MSI2: variants seen among roughly 807,000 people sequenced by gnomAD.
MSI2 encodes musashi RNA binding protein 2.
MSI2 carries 17 observed loss-of-function variants against 45.6 expected under a neutral mutation model. The observed-to-expected ratio is 0.37, with a 90% CI of 0.26 to 0.56. The LOEUF (loss-of-function observed/expected upper bound fraction) is 0.56. MSI2 is among the 20% of genes least tolerant of loss of function. The probability of loss-of-function intolerance (pLI) is 0.77; values close to 1 mark genes in which losing one functional copy is unlikely to be tolerated. For synonymous variants in MSI2, 156 were observed against 158.2 expected (o/e 0.99, Z 0.11); for missense variants, 293 against 444.2 (o/e 0.66, Z 3.06).
At chr17:57,377,847 G>A (rs561077386) in intron 5 of MSI2, among the ~76,000 whole-genome samples, 7 of 152,088 alleles carry the variant, frequency 4.6e-5, no homozygotes, top group Admixed American at 2.0e-4. Context: ...AAGCCAAGGC[G>A]GGTGGATCAC....
intron 5 of MSI2, among the ~76,000 whole-genome samples, chr17:57,295,611 GTC>G (rs1910853088): frequency 6.6e-6 from 1 of 152,098 alleles, no homozygotes; most frequent in Admixed American, 6.6e-5. Flanking sequence ...TGTGCCCTGT[GTC>G]TCTCTTCTTT....
At chr17:57,301,795 C>T (rs1473189010) in intron 5 of MSI2, among the ~76,000 whole-genome samples, 8 of 151,146 alleles carry the variant, frequency 5.3e-5, no homozygotes, top group Non-Finnish European at 8.8e-5. Flanking sequence ...TTTTTTTCAC[C>T]GTGAATATTC....
At chr17:57,507,584 A>G (rs1567866096) in intron 6 of MSI2, among the ~76,000 whole-genome samples, 1 of 152,152 alleles carries the variant, frequency 6.6e-6, no homozygotes, top group Non-Finnish European at 1.5e-5. Context: ...CCAAAATGCA[A>G]TAGGACTATA....
At chr17:57,597,369 G>A (rs1024704022) in intron 8 of MSI2, among the ~76,000 whole-genome samples, 21 of 149,306 alleles carry the variant, frequency 1.4e-4, no homozygotes, top group South Asian at 6.3e-4. Flanking sequence ...GATGGCTCAC[G>A]CCTATAACCT....
chr17:57,409,790 T>C (rs4794730), intron 6 of MSI2, among the ~76,000 whole-genome samples: 65,089 of 151,758 alleles, frequency 0.43, 16,801 homozygotes, highest in East Asian at 0.6. Flanking sequence ...GGGCGAATCA[T>C]GAGGTCAGGA....
At chr17:57,362,896 C>T (rs114237906) in intron 5 of MSI2, among the ~76,000 whole-genome samples, 2,434 of 152,242 alleles carry the variant, frequency 0.016, 59 homozygotes, top group African/African-American at 0.055. Flanking sequence ...TGTTGGAACC[C>T]TTACGTGTTG....
chr17:57,561,389 C>T (rs761117549), intron 7 of MSI2, among the ~76,000 whole-genome samples: 1 of 152,172 alleles, frequency 6.6e-6, no homozygotes, highest in Non-Finnish European at 1.5e-5. Context: ...CAAAAATCCC[C>T]GCTCTTGCTC....
intron 5 of MSI2, among the ~76,000 whole-genome samples, chr17:57,293,024 A>G (rs1001388442): frequency 1.3e-5 from 2 of 152,160 alleles, no homozygotes; most frequent in Non-Finnish European, 2.9e-5. Context: ...GAACCAATAA[A>G]TAAGACAGTG....
downstream of MSI2, among the ~76,000 whole-genome samples, chr17:57,688,113 A>G (rs11079324): frequency 0.2 from 30,203 of 152,110 alleles, 3,215 homozygotes; most frequent in Admixed American, 0.3. Context: ...TGTGAAACAC[A>G]AAACCTGTTT....
intron 6 of MSI2, among the ~76,000 whole-genome samples, chr17:57,519,816 A>G (rs1039953613): frequency 2.1e-5 from 3 of 143,560 alleles, no homozygotes; most frequent in Admixed American, 7.0e-5. Context: ...GATTTTAACT[A>G]CTGGCTCCAC....
chr17:57,388,889 A>G (rs1166248017), intron 5 of MSI2, among the ~76,000 whole-genome samples: 1 of 149,724 alleles, frequency 6.7e-6, no homozygotes, highest in Non-Finnish European at 1.5e-5. Context: ...CCTGACCTCA[A>G]GTGATCCACC....
intron 6 of MSI2, among the ~76,000 whole-genome samples, chr17:57,437,110 C>T (rs1388312374): frequency 1.3e-5 from 2 of 152,200 alleles, no homozygotes; most frequent in Non-Finnish European, 2.9e-5. Flanking sequence ...GAGGGAATTT[C>T]AGGAAGAACA....
intron 8 of MSI2, among the ~76,000 whole-genome samples, chr17:57,604,875 C>CG (rs946333790): frequency 2.2e-4 from 13 of 59,966 alleles, no homozygotes; most frequent in African/African-American, 1.4e-3. Context: ...GATTGGCTCA[C>CG]CCCCCCACTC....
intron 6 of MSI2, among the ~76,000 whole-genome samples, chr17:57,499,639 T>C (rs1004273709): frequency 1.3e-5 from 2 of 152,234 alleles, no homozygotes; most frequent in Non-Finnish European, 2.9e-5. Context: ...GCAATCGTTA[T>C]ATTATTTCTC....
At chr17:57,390,310 C>T (rs1176298077) in intron 5 of MSI2, among the ~76,000 whole-genome samples, 1 of 152,132 alleles carries the variant, frequency 6.6e-6, no homozygotes, top group Non-Finnish European at 1.5e-5. Context: ...CGTTAGATGG[C>T]AGAAGTAGCT....
At chr17:57,676,829 A>C (rs1913269411) in intron 12 of MSI2, among the ~76,000 whole-genome samples, 158 bp from the exon 13 acceptor site, 1 of 152,202 alleles carries the variant, frequency 6.6e-6, no homozygotes, top group South Asian at 2.1e-4. Context: ...GGAGCTGAGG[A>C]GGATGTCATC....
intron 7 of MSI2, among the ~76,000 whole-genome samples, chr17:57,592,510 A>G (rs1220553590): frequency 6.6e-6 from 1 of 152,222 alleles, no homozygotes; most frequent in African/African-American, 2.4e-5. Context: ...GACATAATCA[A>G]GTTTGTTTTC....
chr17:57,632,608 A>T, intron 10 of MSI2: 1 of 1,066,086 alleles, frequency 9.4e-7, no homozygotes. Context: ...CATCCTGATC[A>T]GGCCCCATCT....
chr17:57,372,351 C>T (rs140653119), intron 5 of MSI2, among the ~76,000 whole-genome samples: 141 of 152,296 alleles, frequency 9.3e-4, no homozygotes, highest in African/African-American at 3.3e-3. Flanking sequence ...TCAGAACTTT[C>T]AGTGTAACTG....
Sources: gnomAD v4.1 joint callset for allele counts (sites outside exome capture counted in the v4.1 genomes callset) on GRCh38, gnomAD v4.1.1 for gene constraint, MANE v1.5 for transcripts, NCBI Gene and HGNC (gene_info 2026-07-23, HGNC 2026-07-21) for gene names.